SEMA6B: variants seen among roughly 807,000 people sequenced by gnomAD.
SEMA6B encodes the protein semaphorin-6B.
In SEMA6B, 47 loss-of-function variants were observed where a neutral mutation model predicts 78.6. The observed-to-expected ratio is 0.60, with a 90% CI of 0.47 to 0.76. The LOEUF is 0.76. Among genes scored for constraint, SEMA6B ranks in the 30% least tolerant of loss-of-function variants. The probability of loss-of-function intolerance (pLI) is 0.00; values close to 1 mark genes in which losing one functional copy is unlikely to be tolerated. For missense variants in SEMA6B, 1,213 were observed against 1,269.9 expected (o/e 0.96, Z 0.68); for synonymous variants, 632 against 592.2 (o/e 1.07, Z -0.98).
At position 4,548,388 on chromosome 19, in the gene SEMA6B, G is replaced by A. The variant is rs143421488; in HGVS notation, c.1329C>T (p.Thr443=). The change falls in exon 13 of 17, where the codon ACC becomes ACT. Residue 443 remains threonine (T), a synonymous_variant. Transcript: ENST00000586582. Reference sequence around the variant, plus strand: ...CCGCCTCAGAACCCAGGAAGACAACGGTCTGGTTGCCCCAGGGGCCGGCTC... The same window carrying A: ...CCGCCTCAGAACCCAGGAAGACAACAGTCTGGTTGCCCCAGGGGCCGGCTC... ...DVGAGPWGNQ[T]VVFLGSEAGT... The A allele has an allele frequency of 5.0e-6, 8 of 1,613,620 alleles. No individual in the cohort carries two copies. Among genetic ancestry groups the A allele is most frequent in the East Asian group, 4.5e-5 (2 of 44,894 alleles).
chr19:4,554,334 T>C, intron 9 of SEMA6B, 54 bp downstream of exon 9: 2 of 1,402,896 alleles, frequency 1.4e-6, no homozygotes, highest in Middle Eastern at 1.8e-4. Flanking sequence ...CTCTGCCCCC[T>C]CACTTCGCAT....
chr19:4,550,407 A>G lies in SEMA6B; in HGVS notation c.1122-135T>C, dbSNP rs1977295096. Reference sequence around the variant, plus strand: ...GTTTTGTTTTTGAGACAGAGTCTCAATCTGTCGCCCAGGCTGGAGTGCTTT... The same window carrying G: ...GTTTTGTTTTTGAGACAGAGTCTCAGTCTGTCGCCCAGGCTGGAGTGCTTT... On this transcript the variant is annotated intron_variant, in intron 11 of 16. Coordinates refer to ENST00000586582, the MANE Select transcript of SEMA6B (RefSeq NM_032108.4). This position sits in a 1 kb window ranked among gnomAD's most constrained non-coding sequence, Gnocchi z 6.6. 10 of 962,126 alleles carry G rather than the reference A, an allele frequency of 1.0e-5. No homozygotes were observed. Among genetic ancestry groups the G allele is most frequent in the Non-Finnish European group, 1.1e-5 (7 of 648,630 alleles). 59.6% of individuals were successfully genotyped at this position (962,126 alleles called of 1,614,324 possible). A position where few individuals can be genotyped will look rare whatever the true frequency, so the allele number is the denominator to read the frequency against.
chr19:4,550,879 C>G lies in SEMA6B; in HGVS notation c.1041G>C (p.Val347=), dbSNP rs754421298. The G allele has an allele frequency of 1.3e-5, 21 of 1,613,536 alleles. No individual in the cohort carries two copies. In the African/African-American group the frequency reaches 2.4e-4, roughly 18 times the overall value. ...TCTGCTCTCGGAAGCGGCCTTCAAA[C>G]ACAGCTGCCACCTGTGTCAGGTCAA... The part of the protein sequence containing the change: ...CAFDLTQVAA[V]FEGRFREQKS... Residue 347 remains valine, a synonymous_variant, in exon 11 of 17, where the codon GTG becomes GTC. Transcript: ENST00000586582. This position sits in a 1 kb window ranked among gnomAD's most constrained non-coding sequence, Gnocchi z 6.6.
At position 4,544,353 on chromosome 19, in the gene SEMA6B, T is replaced by C; in HGVS notation, c.1915A>G (p.Ile639Val). ...GCCTCGCCCGCCCCGTGCGCCAGGATGGCCTCCTTGTCCTTGCGCCGGGCC... is the reference window on the plus strand; with the variant it reads ...GCCTCGCCCGCCCCGTGCGCCAGGACGGCCTCCTTGTCCTTGCGCCGGGCC... ...ELARRKDKEA[I>V]LAHGAGEAVL... is the part of the protein sequence containing the mutation. Residue 639 changes from isoleucine (I) to valine (V), a missense_variant, in exon 17 of 17, where the codon ATC (isoleucine) becomes GTC (valine). By Grantham distance (29) the Ile-to-Val change is conservative. Transcript: ENST00000586582. The surrounding 1 kb of genome is among the most constrained non-coding windows in gnomAD (Gnocchi z 5.1). The C allele has an allele frequency of 6.4e-7, 1 of 1,561,372 alleles. No homozygotes were observed.
intron 9 of SEMA6B, among the ~76,000 whole-genome samples, chr19:4,553,498 G>GGA (rs1977389699): frequency 6.7e-6 from 1 of 149,312 alleles, no homozygotes; most frequent in Admixed American, 6.7e-5. Flanking sequence ...ATGGATGGGT[G>GGA]TGTGGGTGGA....
Position 4,554,424 on chromosome 19 carries a change from G to A in SEMA6B, c.735C>T (p.Phe245=), listed in dbSNP as rs759255695. Residue 245 remains phenylalanine (F), a synonymous_variant, in exon 9 of 17, where the codon TTC becomes TTT. Transcript: ENST00000586582. ...VEWGSHVYFF[F]REIAMEFNYL... is the part of the protein sequence containing the mutation. ...AGTTAAACTCCATCGCAATCTCCCG[G>A]AAGAAGAAGTAGACATGGCTGCCCC... The A allele has an allele frequency of 5.0e-6, 8 of 1,613,824 alleles. No individual in the cohort carries two copies. In the South Asian group the frequency reaches 8.8e-5, roughly 18 times the overall value.
At chr19:4,546,746 C>T (rs1355032004) in intron 14 of SEMA6B, among the ~76,000 whole-genome samples, 28 of 150,460 alleles carry the variant, frequency 1.9e-4, no homozygotes, top group Admixed American at 1.9e-3. Context: ...TGCCTCAGCC[C>T]CCCGAGTAGC....
Position 4,543,768 on chromosome 19 carries a change from C to T in SEMA6B, c.2500G>A (p.Gly834Ser). 5 of 1,223,654 alleles carry T rather than the reference C, an allele frequency of 4.1e-6. No homozygotes were observed. The South Asian group carries it at 1.2e-4, about 30-fold the overall frequency. The allele number at this position is 1,223,654 out of a possible 1,614,324, so 75.8% of individuals were successfully genotyped here. ...GTGGCGGCCGGAGGGGCGTGGGGGC[C>T]CAGTGGCCTCCTCAGGCTGCCCGTC... is the stretch of plus-strand genomic sequence containing the variant. The part of the protein sequence containing the change: ...PPTGSLRRPL[G>S]PHAPPAATLR... Residue 834 changes from glycine to serine, a missense_variant, in exon 17 of 17, where the codon GGC becomes AGC. Transcript: ENST00000586582.
intron 14 of SEMA6B, among the ~76,000 whole-genome samples, 189 bp from the exon 15 acceptor site, chr19:4,546,658 CTT>C (rs1977176969): frequency 1.3e-5 from 2 of 152,118 alleles, no homozygotes; most frequent in African/African-American, 2.4e-5. Context: ...GAATTTCGCT[CTT>C]GTCGCCCAGG....
chr19:4,554,545 A>C, intron 8 of SEMA6B, 69 bp from the exon 9 acceptor site: 1 of 1,226,490 alleles, frequency 8.2e-7, no homozygotes, highest in Non-Finnish European at 1.2e-6. Context: ...CTAAGAACTC[A>C]CTGGCTTTTA....
rs527640646 is a variant in SEMA6B, at chr19:4,556,779, T to G, written c.369+172A>C. 6.7e-5 allele frequency among the ~76,000 whole-genome samples: 9 copies of G among 135,186 alleles called. No homozygotes were observed. The East Asian group carries it at 2.1e-3, about 32-fold the overall frequency. 88.7% of individuals were successfully genotyped at this position (135,186 alleles called of 152,430 possible). A position where few individuals can be genotyped will look rare whatever the true frequency, so the allele number is the denominator to read the frequency against. The stretch of plus-strand genomic sequence containing the variant: ...GTGGGGACGTGGACGTGGCCATGGC[T>G]GTTTGGGGGTGTGGCCAGGGCTGGC... On this transcript the variant is annotated intron_variant, in intron 5 of 16. Coordinates refer to ENST00000586582, the MANE Select transcript of SEMA6B (RefSeq NM_032108.4).
chr19:4,558,126 CA>C lies in SEMA6B; in HGVS notation c.144del (p.Phe48LeufsTer9). The part of the protein sequence containing the change: ...PRDYLNHYPV[F>X]VGSGPGRLTP... ...GTCAGGCGTCCGGGCCCGCTGCCCA[CA>C]AACACGGGATAGTGGTTCAGGTCTG... On this transcript the variant is annotated frameshift_variant, in exon 3 of 17. Transcript: ENST00000586582. LOFTEE classifies it high-confidence loss of function. The surrounding 1 kb of genome is among the most constrained non-coding windows in gnomAD (Gnocchi z 5.1). 1 of 1,515,062 alleles carries C rather than the reference CA, an allele frequency of 6.6e-7. No homozygotes were observed. The highest frequency in any genetic ancestry group is 8.9e-7 in the Non-Finnish European group (1 of 1,123,668). 93.9% of individuals were successfully genotyped at this position (1,515,062 alleles called of 1,614,324 possible).
In SEMA6B at chr19:4,558,169, G is replaced by A; in HGVS notation, c.122-20C>T. 1.4e-6 allele frequency: 2 copies of A among 1,435,348 alleles called. No individual in the cohort carries two copies. Among genetic ancestry groups the A allele is most frequent in the Non-Finnish European group, 1.9e-6 (2 of 1,078,786 alleles). 88.9% of individuals were successfully genotyped at this position (1,435,348 alleles called of 1,614,324 possible). On this transcript the variant is annotated intron_variant, in intron 2 of 16. Coordinates refer to ENST00000586582, the MANE Select transcript of SEMA6B (RefSeq NM_032108.4). This position sits in a 1 kb window ranked among gnomAD's most constrained non-coding sequence, Gnocchi z 5.1. ...TCAGGTCTGAGTGAGGGGGTGGAGA[G>A]GGGTGTGAGCAAGGGCTGGGGGTGA... is the stretch of plus-strand genomic sequence containing the variant.
chr19:4,548,913 G>A (rs1977244565), intron 12 of SEMA6B, among the ~76,000 whole-genome samples: 1 of 152,172 alleles, frequency 6.6e-6, no homozygotes, highest in Non-Finnish European at 1.5e-5. Flanking sequence ...TCGCCTCCTG[G>A]GTTCAAGCGA....
chr19:4,548,037 C>A lies in SEMA6B; in HGVS notation c.1591G>T (p.Gly531Trp). ...GGGGTGGACACTCACTTCATACACC[C>A]CGAGTACTGCTGGCAGCGAGCCACA... ...VPVARCQQYS[G>W]CMKNCIGSQD... The change falls in exon 14 of 17, where the codon GGG (glycine) becomes TGG (tryptophan). Residue 531 changes from glycine to tryptophan, a missense_variant. Coordinates refer to ENST00000586582, the MANE Select transcript of SEMA6B (RefSeq NM_032108.4). The A allele has an allele frequency of 6.4e-7, 1 of 1,563,938 alleles. No individual in the cohort carries two copies. Among genetic ancestry groups the A allele is most frequent in the Non-Finnish European group, 8.6e-7 (1 of 1,158,182 alleles).
At chr19:4,545,630 G>A (rs1027026546) in intron 16 of SEMA6B, among the ~76,000 whole-genome samples, 18 of 152,266 alleles carry the variant, frequency 1.2e-4, no homozygotes, top group South Asian at 2.1e-4. Flanking sequence ...AGGAGCTGCC[G>A]CGCCTGGCCC....
chr19:4,548,512 G>T, intron 12 of SEMA6B, 67 bp from the exon 13 acceptor site: 1 of 1,443,140 alleles, frequency 6.9e-7, no homozygotes, highest in Non-Finnish European at 9.6e-7. Context: ...CACGGGCATG[G>T]CCATAGTTAC....
intron 16 of SEMA6B, among the ~76,000 whole-genome samples, chr19:4,545,320 G>A (rs534147774): frequency 3.1e-4 from 43 of 140,386 alleles, no homozygotes; most frequent in African/African-American, 1.1e-3. Context: ...CAGCCTGGGT[G>A]ACAGAGCAAG....
At chr19:4,549,517 C>T (rs192890765) in intron 12 of SEMA6B, among the ~76,000 whole-genome samples, 51 of 149,846 alleles carry the variant, frequency 3.4e-4, no homozygotes, top group Non-Finnish European at 5.9e-4. Context: ...TTCGCTCTTT[C>T]GCCCAGGCGG....
Sources: gnomAD v4.1 joint callset for allele counts (sites outside exome capture counted in the v4.1 genomes callset) on GRCh38, gnomAD v4.1.1 for gene constraint, Gnocchi (gnomAD v3.1) non-coding constraint, MANE v1.5 for transcripts, NCBI Gene and HGNC (gene_info 2026-07-23, HGNC 2026-07-21) for gene names.